The following CLDN20 variants were observed in gnomAD, a reference collection of about 807,000 sequenced individuals.
CLDN20 encodes claudin-20.
For synonymous variants in CLDN20, 104 were observed against 103.6 expected (o/e 1.00, Z -0.03); for missense variants, 258 against 267.9 (o/e 0.96, Z 0.26).
chr6:155,266,731 C>T (rs1784650182), intron 1 of CLDN20, among the ~76,000 whole-genome samples: 1 of 151,714 alleles, frequency 6.6e-6, no homozygotes, highest in Admixed American at 6.6e-5. Flanking sequence ...CCTGTAGTCC[C>T]CGCTACTTGG....
chr6:155,266,504 G>C (rs1435729075), intron 1 of CLDN20, among the ~76,000 whole-genome samples: 1 of 152,120 alleles, frequency 6.6e-6, no homozygotes, highest in Non-Finnish European at 1.5e-5. Flanking sequence ...CTCACCAGGG[G>C]GGATGAAAAG....
chr6:155,272,453 T>C (rs1452576626), intron 1 of CLDN20, among the ~76,000 whole-genome samples: 1 of 152,008 alleles, frequency 6.6e-6, no homozygotes, highest in East Asian at 1.9e-4. Context: ...GTTTTCACTG[T>C]AGACCATGTA....
At chr6:155,275,586 C>T in intron 1 of CLDN20, 30 bp from the exon 2 acceptor site, 2 of 855,160 alleles carry the variant, frequency 2.3e-6, no homozygotes, top group Non-Finnish European at 3.7e-6. Flanking sequence ...CTTTCTTTCG[C>T]TCAATCCTGG....
chr6:155,268,961 G>GAAAAAAAA (rs1784793326), intron 1 of CLDN20, among the ~76,000 whole-genome samples: 1 of 84,834 alleles, frequency 1.2e-5, no homozygotes. Flanking sequence ...AAAAAAAAAA[G>GAAAAAAAA]AAAAAAGAAA....
At chr6:155,266,602 T>C (rs999964203) in intron 1 of CLDN20, among the ~76,000 whole-genome samples, 1 of 151,902 alleles carries the variant, frequency 6.6e-6, no homozygotes, top group Non-Finnish European at 1.5e-5. Flanking sequence ...ATCCCAGCAC[T>C]TTGGAAGGCC....
chr6:155,276,405 G>A lies in CLDN20; in HGVS notation c.*26G>A. ...ATAACTGAGTAATGCATATGAAATG[G>A]AACTTTTGGGTGCCAAATGGGACTT... On this transcript the variant is annotated 3_prime_UTR_variant, in exon 2 of 2. Coordinates refer to ENST00000367165, the MANE Select transcript of CLDN20 (RefSeq NM_001001346.3). 1 of 1,572,898 alleles carries A rather than the reference G, an allele frequency of 6.4e-7. No homozygotes were observed.
intron 1 of CLDN20, among the ~76,000 whole-genome samples, chr6:155,269,324 CTTT>C (rs60162262): frequency 2.4e-5 from 3 of 127,262 alleles, no homozygotes; most frequent in African/African-American, 3.0e-5. Context: ...CTTTTCTTTT[CTTT>C]TTTTTTTTTT....
At chr6:155,267,177 G>GT (rs1784692000) in intron 1 of CLDN20, among the ~76,000 whole-genome samples, 3 of 152,084 alleles carry the variant, frequency 2.0e-5, no homozygotes, top group Admixed American at 2.0e-4. Flanking sequence ...GTTTCACCAT[G>GT]TTGGCCAGGC....
intron 1 of CLDN20, among the ~76,000 whole-genome samples, chr6:155,270,804 G>C (rs1212292864): frequency 2.0e-5 from 3 of 152,154 alleles, no homozygotes; most frequent in Non-Finnish European, 4.4e-5. Context: ...CCCTGGTGAG[G>C]TGTCTTCGGA....
chr6:155,276,472 CAAAG>C lies in CLDN20; in HGVS notation c.*98_*101del. ...TCAGAATTATGCTTAACTTTCCCTACAAAGAAAGTAGAATGTAAAATACTTTAAC... is the reference window on the plus strand; with the variant it reads ...TCAGAATTATGCTTAACTTTCCCTACAAAGTAGAATGTAAAATACTTTAAC... On this transcript the variant is annotated 3_prime_UTR_variant, in exon 2 of 2. Coordinates refer to ENST00000367165, the MANE Select transcript of CLDN20 (RefSeq NM_001001346.3). 1 of 1,146,398 alleles carries C rather than the reference CAAAG, an allele frequency of 8.7e-7. No homozygotes were observed. The highest frequency in any genetic ancestry group is 1.2e-6 in the Non-Finnish European group (1 of 813,286). 71.0% of individuals were successfully genotyped at this position (1,146,398 alleles called of 1,614,324 possible). A position where few individuals can be genotyped will look rare whatever the true frequency, so the allele number is the denominator to read the frequency against.
chr6:155,275,544 C>G, intron 1 of CLDN20, 72 bp from the exon 2 acceptor site: 1 of 642,384 alleles, frequency 1.6e-6, no homozygotes, highest in Non-Finnish European at 2.7e-6. Flanking sequence ...GTTCTTGGCT[C>G]CTACTCTAAA....
At position 155,276,069 on chromosome 6, in the gene CLDN20, C is replaced by A; in HGVS notation, c.350C>A (p.Ala117Asp). The A allele has an allele frequency of 6.2e-7, 1 of 1,614,194 alleles. No homozygotes were observed. The highest frequency in any genetic ancestry group is 8.5e-7 in the Non-Finnish European group (1 of 1,180,036). The change falls in exon 2 of 2, where the codon GCT becomes GAT. Residue 117 changes from alanine to aspartate, a missense_variant. Ala to Asp is a moderately radical substitution (Grantham distance 126). Transcript: ENST00000367165. ...LGGDRETKSH[A>D]SFAGGVCFMS... ...GGGGACAGAGAAACCAAGAGCCATG[C>A]TTCCTTTGCTGGAGGAGTCTGTTTC...
rs1220136445 is a variant in CLDN20 at position 155,276,242 on chromosome 6, T to C, written c.523T>C (p.Phe175Leu). The part of the protein sequence containing the change: ...YIGFISAMLL[F>L]ISGMIFCTSC... ...CGGATTCATTTCTGCAATGCTGTTG[T>C]TTATCTCTGGCATGATTTTCTGCAC... is the stretch of plus-strand genomic sequence containing the variant. Residue 175 changes from phenylalanine (F) to leucine (L), a missense_variant, in exon 2 of 2, where the codon TTT (phenylalanine) becomes CTT (leucine). Transcript: ENST00000367165. 6.2e-7 allele frequency: 1 copy of C among 1,613,984 alleles called. No homozygotes were observed. The highest frequency in any genetic ancestry group is 8.5e-7 in the Non-Finnish European group (1 of 1,180,024).
At chr6:155,265,743 A>T (rs936653512) in intron 1 of CLDN20, among the ~76,000 whole-genome samples, 1 of 145,818 alleles carries the variant, frequency 6.9e-6, no homozygotes, top group African/African-American at 2.5e-5. Context: ...TATATTATAT[A>T]TAATATATAA....
At chr6:155,273,437 T>C (rs1394732211) in intron 1 of CLDN20, among the ~76,000 whole-genome samples, 4 of 152,244 alleles carry the variant, frequency 2.6e-5, no homozygotes, top group Non-Finnish European at 5.9e-5. Flanking sequence ...GTTTATACTT[T>C]AAATATAGGC....
intron 1 of CLDN20, among the ~76,000 whole-genome samples, chr6:155,269,157 C>T (rs1030580822): frequency 4.0e-5 from 6 of 151,692 alleles, no homozygotes; most frequent in Non-Finnish European, 8.8e-5. Flanking sequence ...AGAGGTAGGA[C>T]TTACAAATAT....
chr6:155,272,892 A>G (rs1463938550), intron 1 of CLDN20, among the ~76,000 whole-genome samples: 1 of 152,136 alleles, frequency 6.6e-6, no homozygotes, highest in African/African-American at 2.4e-5. Flanking sequence ...AAAGTTATAA[A>G]ATATATCAGT....
At chr6:155,266,755 G>C (rs530920265) in intron 1 of CLDN20, among the ~76,000 whole-genome samples, 169 of 150,150 alleles carry the variant, frequency 1.1e-3, no homozygotes, top group African/African-American at 4.0e-3. Context: ...GCTGAGGCAG[G>C]AGAATGGCGT....
At chr6:155,267,253 G>GC (rs1784695451) in intron 1 of CLDN20, among the ~76,000 whole-genome samples, 5 of 152,208 alleles carry the variant, frequency 3.3e-5, no homozygotes, top group Admixed American at 1.3e-4. Flanking sequence ...GGGATTATGG[G>GC]CATGAGCCAC....
Sources: gnomAD v4.1 joint callset for allele counts (sites outside exome capture counted in the v4.1 genomes callset) on GRCh38, gnomAD v4.1.1 for gene constraint, MANE v1.5 for transcripts, NCBI Gene and HGNC (gene_info 2026-07-23, HGNC 2026-07-21) for gene names.